Variants in RIMS1 observed in about 807,000 individuals in gnomAD.
RIMS1 encodes the protein regulating synaptic membrane exocytosis protein 1.
RIMS1 carries 83 observed loss-of-function variants against 214.1 expected under a neutral mutation model. The observed-to-expected ratio is 0.39, with a 90% CI of 0.32 to 0.47. RIMS1 has a LOEUF of 0.47. Among genes scored for constraint, RIMS1 ranks in the 20% least tolerant of loss-of-function variants. The probability of loss-of-function intolerance (pLI) is 0.99; values close to 1 mark genes in which losing one functional copy is unlikely to be tolerated. For synonymous variants in RIMS1, 793 were observed against 786.8 expected, an observed-to-expected ratio of 1.01 and a Z score of -0.13; for missense variants, 2,050 against 2,161.8, an observed-to-expected ratio of 0.95 and a Z score of 1.03.
intron 6 of RIMS1, among the ~76,000 whole-genome samples, chr6:72,222,075 A>G (rs2058631610): frequency 6.6e-6 from 1 of 152,028 alleles, no homozygotes; most frequent in Non-Finnish European, 1.5e-5. Flanking sequence ...AAAATTATAA[A>G]ATATGAAAAA....
In RIMS1 at chr6:72,157,002, A is replaced by C. The variant is rs1040939835; in HGVS notation, c.472-22573A>C. Among the ~76,000 whole-genome samples the C allele has an allele frequency of 7.5e-4, 106 of 140,864 alleles. 3 individuals are homozygous for C. The highest frequency in any genetic ancestry group is 2.6e-3 in the African/African-American group (104 of 40,710). 92.4% of individuals were successfully genotyped at this position (140,864 alleles called of 152,430 possible). A position where few individuals can be genotyped will look rare whatever the true frequency, so the allele number is the denominator to read the frequency against. ...TCATCTGCCTAAATAATATAGAAAT[A>C]TCTGTGCAATTGGTCTAGTAGCACT... On this transcript the variant is annotated intron_variant, in intron 4 of 33. Transcript: ENST00000521978.
intron 2 of RIMS1, among the ~76,000 whole-genome samples, chr6:72,002,305 CAA>C (rs779478212): frequency 1.6e-5 from 2 of 127,268 alleles, no homozygotes; most frequent in Non-Finnish European, 1.7e-5. Flanking sequence ...ATGTTATTAG[CAA>C]AAAAAAAAAA....
At chr6:72,361,449 A>G (rs191117841) in intron 29 of RIMS1, among the ~76,000 whole-genome samples, 2 of 152,200 alleles carry the variant, frequency 1.3e-5, no homozygotes, top group East Asian at 3.9e-4. Context: ...CAAAAATCAC[A>G]AATTTTATAT....
intron 29 of RIMS1, among the ~76,000 whole-genome samples, chr6:72,387,046 T>G (rs1191375718): frequency 2.0e-5 from 3 of 152,144 alleles, no homozygotes; most frequent in Non-Finnish European, 4.4e-5. Context: ...TTCACTGTCT[T>G]TCTTGTATAC....
rs116389316 is a variant in RIMS1, at chr6:72,127,151, C to T, written c.471+27165C>T. 3.1e-3 allele frequency among the ~76,000 whole-genome samples: 473 copies of T among 152,246 alleles called. 1 individual carries two copies. The highest frequency in any genetic ancestry group is 0.011 in the African/African-American group (440 of 41,534). On this transcript the variant is annotated intron_variant, in intron 4 of 33. Transcript: ENST00000521978. ...GAGTATTTTTCCATATATTTTGGTG[C>T]GTAGTGATGGTATTATTGATGTTAA...
At chr6:71,970,991 A>G (rs1453836660) in intron 2 of RIMS1, among the ~76,000 whole-genome samples, 4 of 151,902 alleles carry the variant, frequency 2.6e-5, no homozygotes, top group African/African-American at 9.7e-5. Flanking sequence ...CTGAAAATCA[A>G]TAGAGGCTAG....
chr6:72,009,126 C>T (rs1809168071), intron 2 of RIMS1, among the ~76,000 whole-genome samples: 1 of 152,178 alleles, frequency 6.6e-6, no homozygotes, highest in African/African-American at 2.4e-5. Context: ...CAAACTGTCT[C>T]TCAGACCACA....
At chr6:72,250,864 A>G (rs985965674) in intron 13 of RIMS1, 57 bp from the exon 14 acceptor site, 3 of 943,774 alleles carry the variant, frequency 3.2e-6, no homozygotes, top group Non-Finnish European at 4.7e-6. Context: ...ACATGTAACT[A>G]CAGTAGATGG....
chr6:72,281,516 G>T (rs551606489), intron 23 of RIMS1, among the ~76,000 whole-genome samples: 1 of 152,096 alleles, frequency 6.6e-6, no homozygotes, highest in South Asian at 2.1e-4. Flanking sequence ...AGAAAAGCAG[G>T]CTATTTCAAA....
At chr6:72,223,241 G>A (rs2059101928) in intron 6 of RIMS1, among the ~76,000 whole-genome samples, 1 of 152,164 alleles carries the variant, frequency 6.6e-6, no homozygotes, top group Non-Finnish European at 1.5e-5. Flanking sequence ...CCTTTGGCAA[G>A]ACTCTCAAAT....
intron 2 of RIMS1, among the ~76,000 whole-genome samples, chr6:72,094,016 A>G (rs2030217013): frequency 1.3e-5 from 2 of 152,168 alleles, no homozygotes; most frequent in African/African-American, 4.8e-5. Flanking sequence ...ACGTACATTA[A>G]AAGTTACCTT....
chr6:72,331,685 G>T (rs1366848430), intron 28 of RIMS1, among the ~76,000 whole-genome samples: 4 of 151,740 alleles, frequency 2.6e-5, no homozygotes, highest in Non-Finnish European at 5.9e-5. Flanking sequence ...AATCCCACAG[G>T]AAACAGTTTG....
intron 11 of RIMS1, among the ~76,000 whole-genome samples, chr6:72,247,547 A>G (rs1003310419): frequency 6.6e-6 from 1 of 151,970 alleles, no homozygotes; most frequent in Non-Finnish European, 1.5e-5. Context: ...AAAAAAAAAA[A>G]AAAAAAAACC....
At chr6:72,133,556 A>C (rs1486666564) in intron 4 of RIMS1, among the ~76,000 whole-genome samples, 1 of 152,192 alleles carries the variant, frequency 6.6e-6, no homozygotes, top group Non-Finnish European at 1.5e-5. Flanking sequence ...AGCATGAGCA[A>C]ATAAATCCAC....
chr6:72,157,603 GTT>G (rs1478069008), intron 4 of RIMS1, among the ~76,000 whole-genome samples: 1 of 139,484 alleles, frequency 7.2e-6, no homozygotes, highest in East Asian at 2.0e-4. Context: ...AACCATACTG[GTT>G]TTCTTCTGTT....
At chr6:72,354,867 G>A (rs2097576080) in intron 29 of RIMS1, among the ~76,000 whole-genome samples, 2 of 152,122 alleles carry the variant, frequency 1.3e-5, no homozygotes, top group South Asian at 2.1e-4. Flanking sequence ...CTGCCCTGTT[G>A]CTACTTTATA....
chr6:72,307,139 G>C (rs2095246776), intron 26 of RIMS1, 119 bp from the exon 27 acceptor site: 1 of 662,390 alleles, frequency 1.5e-6, no homozygotes, highest in Admixed American at 2.5e-5. Context: ...TATTAATCAT[G>C]TGTTATTTCT....
At chr6:72,137,057 TG>T (rs2041404695) in intron 4 of RIMS1, among the ~76,000 whole-genome samples, 1 of 152,014 alleles carries the variant, frequency 6.6e-6, no homozygotes, top group Admixed American at 6.5e-5. Context: ...GAAGTAAAGA[TG>T]TATCTTTTTG....
intron 1 of RIMS1, among the ~76,000 whole-genome samples, chr6:71,892,098 G>C (rs372571168): frequency 6.6e-6 from 1 of 152,170 alleles, no homozygotes; most frequent in Non-Finnish European, 1.5e-5. Context: ...CCTGAGGCAC[G>C]TGGCAGCTAG....
Sources: allele counts gnomAD v4.1 joint callset (sites outside exome capture counted in the v4.1 genomes callset), GRCh38; gene constraint gnomAD v4.1.1; transcripts MANE v1.5; gene names NCBI Gene and HGNC (gene_info 2026-07-23, HGNC 2026-07-21).